Variants in SNX2 observed in about 807,000 individuals in gnomAD.
SNX2 encodes the protein sorting nexin-2.
Under a neutral mutation model 69.9 loss-of-function variants are expected in SNX2, and 25 were observed. The ratio of observed to expected loss-of-function variants is 0.36; its 90% CI spans 0.26 to 0.50. The LOEUF is 0.50. Ranked by LOEUF, SNX2 falls within the 20% of genes least tolerant of loss-of-function variation. The pLI, the probability that SNX2 is intolerant of heterozygous loss-of-function variation, is 0.97. For missense variants in SNX2, 551 were observed against 613.3 expected (o/e 0.90, Z 1.07); for synonymous variants, 229 against 200.4 (o/e 1.14, Z -1.20).
intron 10 of SNX2, among the ~76,000 whole-genome samples, chr5:122,817,702 A>G (rs184069006): frequency 2.0e-5 from 3 of 152,246 alleles, no homozygotes; most frequent in Admixed American, 1.3e-4. Context: ...GTATAGTTAC[A>G]GTTAAATGGA....
At chr5:122,827,804 C>T (rs7723058) in intron 14 of SNX2, 158 bp downstream of exon 14, 7 of 567,488 alleles carry the variant, frequency 1.2e-5, no homozygotes, top group Admixed American at 3.3e-5. Flanking sequence ...GTAAACTAAT[C>T]GGAAACTATC....
At chr5:122,820,422 G>A (rs1049734465) in intron 11 of SNX2, among the ~76,000 whole-genome samples, 1 of 152,130 alleles carries the variant, frequency 6.6e-6, no homozygotes, top group African/African-American at 2.4e-5. Flanking sequence ...TGTAATCCTA[G>A]CTACTCAGGA....
At chr5:122,813,767 C>CT (rs546503535) in intron 7 of SNX2, among the ~76,000 whole-genome samples, 2,332 of 115,362 alleles carry the variant, frequency 0.02, 59 homozygotes, top group African/African-American at 0.029. Context: ...AGAATATTTC[C>CT]TTTTTTTTTT....
intron 5 of SNX2, among the ~76,000 whole-genome samples, chr5:122,802,957 CAGTG>C (rs145599282): frequency 0.015 from 2,268 of 152,230 alleles, 23 homozygotes; most frequent in Non-Finnish European, 0.019. Flanking sequence ...GGCAGGAACA[CAGTG>C]AGGATGAGGA....
At chr5:122,775,710 C>T (rs972433982) in intron 1 of SNX2, 3 of 985,756 alleles carry the variant, frequency 3.0e-6, no homozygotes, top group African/African-American at 1.7e-5. Flanking sequence ...TGGCCCTTCA[C>T]GGACTGCTGG....
chr5:122,790,468 C>A (rs986993559), intron 1 of SNX2, among the ~76,000 whole-genome samples: 14 of 152,106 alleles, frequency 9.2e-5, no homozygotes, highest in South Asian at 2.1e-4. Flanking sequence ...TAAGAGGAAC[C>A]TTCATATCCT....
intron 12 of SNX2, chr5:122,826,560 T>G: frequency 2.3e-6 from 1 of 434,044 alleles, no homozygotes; most frequent in Non-Finnish European, 3.1e-6. Flanking sequence ...CCCATATATA[T>G]GTATTATATA....
chr5:122,824,201 CAAAAA>C (rs398050704), intron 11 of SNX2, among the ~76,000 whole-genome samples: 1 of 112,664 alleles, frequency 8.9e-6, no homozygotes. Context: ...GACTCTGTCT[CAAAAA>C]AAAAAAAAAA....
intron 8 of SNX2, 106 bp downstream of exon 8, chr5:122,816,077 G>A: frequency 2.0e-6 from 1 of 500,532 alleles, no homozygotes; most frequent in Non-Finnish European, 3.4e-6. Flanking sequence ...ATGGAATAAA[G>A]CAATTATTAT....
At chr5:122,805,505 A>C (rs74381661) in intron 6 of SNX2, among the ~76,000 whole-genome samples, 18 of 152,136 alleles carry the variant, frequency 1.2e-4, no homozygotes, top group African/African-American at 4.3e-4. Flanking sequence ...TACCCTTTAC[A>C]GTTTCAGAAC....
chr5:122,806,342 C>G (rs1230797268), intron 6 of SNX2, among the ~76,000 whole-genome samples: 1 of 152,042 alleles, frequency 6.6e-6, no homozygotes, highest in Non-Finnish European at 1.5e-5. Flanking sequence ...ACAAATTAAT[C>G]TTTGAACTTC....
At chr5:122,800,065 T>C (rs1261171219) in intron 3 of SNX2, among the ~76,000 whole-genome samples, 2 of 152,152 alleles carry the variant, frequency 1.3e-5, no homozygotes, top group Non-Finnish European at 2.9e-5. Flanking sequence ...GTGAAGGAGT[T>C]TGTCATTTCT....
chr5:122,789,068 G>C (rs1753152591), intron 1 of SNX2, among the ~76,000 whole-genome samples: 1 of 152,046 alleles, frequency 6.6e-6, no homozygotes, highest in Admixed American at 6.5e-5. Context: ...GGGATTTTTT[G>C]TTTATTTTTT....
At chr5:122,791,858 A>C (rs1483543171) in intron 1 of SNX2, among the ~76,000 whole-genome samples, 1 of 152,252 alleles carries the variant, frequency 6.6e-6, no homozygotes, top group East Asian at 1.9e-4. Flanking sequence ...AAGAGTAGTG[A>C]ACAAGATGAG....
chr5:122,779,046 A>G (rs1752913629), intron 1 of SNX2, among the ~76,000 whole-genome samples: 1 of 152,162 alleles, frequency 6.6e-6, no homozygotes, highest in Non-Finnish European at 1.5e-5. Flanking sequence ...CCTAAGCTTA[A>G]TGGTGCTTGA....
chr5:122,799,082 T>G (rs1434858034), intron 2 of SNX2, among the ~76,000 whole-genome samples: 1 of 151,590 alleles, frequency 6.6e-6, no homozygotes, highest in African/African-American at 2.4e-5. Context: ...GTTTATTGAT[T>G]TGGTTTGATT....
chr5:122,775,383 G>A, intron 1 of SNX2, 172 bp downstream of exon 1: 1 of 1,326,582 alleles, frequency 7.5e-7, no homozygotes, highest in Non-Finnish European at 9.7e-7. Flanking sequence ...CTTGGGCTGA[G>A]CGCAGGGCCT....
chr5:122,828,392 A>T (rs1368336624), intron 14 of SNX2, among the ~76,000 whole-genome samples: 3 of 152,200 alleles, frequency 2.0e-5, no homozygotes, highest in African/African-American at 7.2e-5. Flanking sequence ...AAGTCATATA[A>T]GCTTGTTTTT....
At chr5:122,787,840 A>C (rs1753127968) in intron 1 of SNX2, among the ~76,000 whole-genome samples, 1 of 152,244 alleles carries the variant, frequency 6.6e-6, no homozygotes, top group Admixed American at 6.5e-5. Flanking sequence ...TTCAGTTATG[A>C]TAAGAATACA....
Sources: allele counts gnomAD v4.1 joint callset (sites outside exome capture counted in the v4.1 genomes callset), GRCh38; gene constraint gnomAD v4.1.1; transcripts MANE v1.5; gene names NCBI Gene and HGNC (gene_info 2026-07-23, HGNC 2026-07-21).